VTI1A: variants seen among roughly 807,000 people sequenced by gnomAD.
VTI1A encodes the protein vesicle transport through interaction with t-SNAREs homolog 1A.
In VTI1A, 22 loss-of-function variants were observed where a neutral mutation model predicts 34.9. That is an observed-to-expected ratio of 0.63 (90% confidence interval 0.45 to 0.90). The LOEUF is 0.90. Among genes scored for constraint, VTI1A ranks in the 40% least tolerant of loss-of-function variants. The pLI, the probability that VTI1A is intolerant of heterozygous loss-of-function variation, is 0.00. For missense variants in VTI1A, 268 were observed against 275.6 expected, an observed-to-expected ratio of 0.97 and a Z score of 0.20; for synonymous variants, 87 against 97.3, an observed-to-expected ratio of 0.89 and a Z score of 0.62.
intron 3 of VTI1A, among the ~76,000 whole-genome samples, chr10:112,466,042 A>C (rs1465290294): frequency 6.6e-6 from 1 of 152,216 alleles, no homozygotes; most frequent in Admixed American, 6.5e-5. Flanking sequence ...CACTTTAAAA[A>C]ATAAAAAGAT....
chr10:112,821,698 C>A (rs971867469), downstream of VTI1A, among the ~76,000 whole-genome samples: 13 of 152,160 alleles, frequency 8.5e-5, no homozygotes, highest in Admixed American at 6.5e-5. Flanking sequence ...AAAAGAGGAG[C>A]CAAGAACATG....
At chr10:112,496,294 G>A (rs1849024721) in intron 3 of VTI1A, among the ~76,000 whole-genome samples, 1 of 151,500 alleles carries the variant, frequency 6.6e-6, no homozygotes, top group Non-Finnish European at 1.5e-5. Flanking sequence ...GTTGGGCCAG[G>A]TGCAGTGGCT....
chr10:112,601,143 C>T (rs1425496564), intron 5 of VTI1A, among the ~76,000 whole-genome samples: 1 of 152,100 alleles, frequency 6.6e-6, no homozygotes, highest in Non-Finnish European at 1.5e-5. Flanking sequence ...GAGAGGTCAT[C>T]TTTGGCCGCA....
chr10:112,497,210 C>T (rs968633389), intron 3 of VTI1A, among the ~76,000 whole-genome samples: 12 of 151,610 alleles, frequency 7.9e-5, no homozygotes, highest in African/African-American at 1.9e-4. Flanking sequence ...CCCAGGTACT[C>T]GGGAGGCTGA....
At chr10:112,484,509 T>A (rs1848552558) in intron 3 of VTI1A, among the ~76,000 whole-genome samples, 1 of 152,212 alleles carries the variant, frequency 6.6e-6, no homozygotes, top group Non-Finnish European at 1.5e-5. Flanking sequence ...TGATAGATTT[T>A]CTTTACTTTC....
chr10:112,807,382 G>A (rs1446136067), intron 7 of VTI1A, among the ~76,000 whole-genome samples: 1 of 152,152 alleles, frequency 6.6e-6, no homozygotes, highest in Non-Finnish European at 1.5e-5. Flanking sequence ...CTCCAAAAGT[G>A]TAAGGGAAGA....
At chr10:112,562,196 C>T (rs1016857464) in intron 5 of VTI1A, among the ~76,000 whole-genome samples, 6 of 152,134 alleles carry the variant, frequency 3.9e-5, no homozygotes, top group Non-Finnish European at 7.4e-5. Context: ...ACATAACTTA[C>T]GACACTGCAG....
rs67154330 is a variant in VTI1A, at chr10:112,811,712, A to AAAAAAAAAT, written c.561-3578_561-3577insAAAAAAAAT. On this transcript the variant is annotated intron_variant, in intron 7 of 7. Coordinates refer to ENST00000393077, the MANE Select transcript of VTI1A (RefSeq NM_145206.4). ...AAAAAAAAAAAAAAAAAAAAAAAAA[A>AAAAAAAAAT]GAGTGCAGTCCATGCCTGGAAGTAG... Among the ~76,000 whole-genome samples the AAAAAAAAAT allele has an allele frequency of 3.9e-4, 33 of 84,056 alleles. 9 individuals carry two copies. The highest frequency in any genetic ancestry group is 9.0e-4 in the African/African-American group (19 of 21,058). The allele number at this position is 84,056 out of a possible 152,430, so 55.1% of individuals were successfully genotyped here.
At chr10:112,715,127 T>C (rs1403232535) in intron 7 of VTI1A, among the ~76,000 whole-genome samples, 4 of 152,172 alleles carry the variant, frequency 2.6e-5, no homozygotes, top group African/African-American at 9.7e-5. Flanking sequence ...TAATTTGGTA[T>C]GTAACGATGG....
chr10:112,818,511 G>A lies in VTI1A; in HGVS notation c.*3128G>A, dbSNP rs757358589. 1.4e-4 allele frequency: 32 copies of A among 226,794 alleles called. No homozygotes were observed. The highest frequency in any genetic ancestry group is 1.3e-3 in the Middle Eastern group (1 of 752). 14.0% of individuals were successfully genotyped at this position (226,794 alleles called of 1,614,324 possible). A position where few individuals can be genotyped will look rare whatever the true frequency, so the allele number is the denominator to read the frequency against. ...CAGATCATTTCAGTATTTCAAATCCGAGGAAAACAGCCTGCCTGCTGCTGT... is the reference window on the plus strand; with the variant it reads ...CAGATCATTTCAGTATTTCAAATCCAAGGAAAACAGCCTGCCTGCTGCTGT... On this transcript the variant is annotated 3_prime_UTR_variant, in exon 8 of 8. Transcript: ENST00000393077.
At chr10:112,836,748 C>T in the VTI1A span, among the ~76,000 whole-genome samples, 11 of 152,058 alleles carry the variant, frequency 7.2e-5, no homozygotes, top group Non-Finnish European at 4.4e-5. Context: ...GAGCATGATG[C>T]GGCGGGGAGG....
At chr10:112,496,085 C>G (rs866952544) in intron 3 of VTI1A, among the ~76,000 whole-genome samples, 1 of 146,944 alleles carries the variant, frequency 6.8e-6, no homozygotes, top group African/African-American at 2.5e-5. Flanking sequence ...TGGCCAGGTG[C>G]GATGGCTCAC....
intron 5 of VTI1A, among the ~76,000 whole-genome samples, chr10:112,639,602 G>A (rs1846489719): frequency 6.6e-6 from 1 of 152,178 alleles, no homozygotes; most frequent in Admixed American, 6.5e-5. Context: ...GGGGTGACTA[G>A]ATGTTTTAAC....
At chr10:112,826,930 C>A in the VTI1A span, 1 of 152,118 alleles carries the variant, frequency 6.6e-6, no homozygotes, top group Non-Finnish European at 1.5e-5. Flanking sequence ...ATGAATGAGT[C>A]AGTTTGGATG....
intron 7 of VTI1A, among the ~76,000 whole-genome samples, chr10:112,689,427 G>A (rs1161697485): frequency 1.3e-5 from 2 of 152,208 alleles, no homozygotes; most frequent in African/African-American, 2.4e-5. Context: ...CAGGAGGAGG[G>A]CCTGAGGGAA....
At chr10:112,751,425 G>A (rs945309612) in intron 7 of VTI1A, among the ~76,000 whole-genome samples, 2 of 133,870 alleles carry the variant, frequency 1.5e-5, no homozygotes, top group African/African-American at 5.8e-5. Flanking sequence ...ACTCCCTGCT[G>A]TTTCCCTAAT....
chr10:112,806,884 G>A (rs1282820234), intron 7 of VTI1A, among the ~76,000 whole-genome samples: 3 of 152,146 alleles, frequency 2.0e-5, no homozygotes. Flanking sequence ...AATGTACCTG[G>A]CCTTCTTCCT....
At chr10:112,671,103 G>T (rs1254404860) in intron 7 of VTI1A, among the ~76,000 whole-genome samples, 1 of 152,130 alleles carries the variant, frequency 6.6e-6, no homozygotes, top group Non-Finnish European at 1.5e-5. Flanking sequence ...CATTATTTTG[G>T]TTATCTCATG....
chr10:112,541,532 C>G (rs1850869501), intron 5 of VTI1A, among the ~76,000 whole-genome samples: 1 of 152,104 alleles, frequency 6.6e-6, no homozygotes, highest in Non-Finnish European at 1.5e-5. Context: ...AATCTGTAAA[C>G]TTTTCTATTC....
Sources: allele counts gnomAD v4.1 joint callset (sites outside exome capture counted in the v4.1 genomes callset), GRCh38; gene constraint gnomAD v4.1.1; transcripts MANE v1.5; gene names NCBI Gene and HGNC (gene_info 2026-07-23, HGNC 2026-07-21).